The following THEMIS variants were observed in gnomAD, a reference collection of about 807,000 sequenced individuals.
THEMIS encodes the protein protein THEMIS.
In THEMIS, 37 loss-of-function variants were observed where a neutral mutation model predicts 52.6. That is an observed-to-expected ratio of 0.70 (90% confidence interval 0.54 to 0.93). THEMIS has a LOEUF of 0.93. THEMIS is among the 40% of genes least tolerant of loss of function. THEMIS has a pLI of 0.00. For missense variants in THEMIS, 808 were observed against 763.1 expected (o/e 1.06, Z -0.69); for synonymous variants, 292 against 272.7 (o/e 1.07, Z -0.70).
chr6:127,801,399 C>A (rs547280818), intron 4 of THEMIS, among the ~76,000 whole-genome samples: 7 of 152,232 alleles, frequency 4.6e-5, no homozygotes, highest in African/African-American at 1.4e-4. Flanking sequence ...GACACAAGCT[C>A]TTATCATGTG....
intron 4 of THEMIS, among the ~76,000 whole-genome samples, chr6:127,757,966 T>C (rs932945792): frequency 6.6e-6 from 1 of 151,922 alleles, no homozygotes; most frequent in Non-Finnish European, 1.5e-5. Flanking sequence ...TATAGATAGA[T>C]AAATTATATT....
At chr6:127,799,553 ATCTT>A (rs748513282) in intron 4 of THEMIS, among the ~76,000 whole-genome samples, 49,695 of 144,358 alleles carry the variant, frequency 0.34, 8,905 homozygotes, top group Non-Finnish European at 0.41. Context: ...CTTTCTTTCT[ATCTT>A]TCTTTCTTTC....
intron 4 of THEMIS, among the ~76,000 whole-genome samples, chr6:127,778,571 A>G (rs1776639854): frequency 6.6e-6 from 1 of 152,096 alleles, no homozygotes; most frequent in African/African-American, 2.4e-5. Flanking sequence ...AAAATTTCTC[A>G]TGTTTAACTC....
intron 2 of THEMIS, among the ~76,000 whole-genome samples, chr6:127,849,274 C>G (rs1398641429): frequency 6.6e-6 from 1 of 151,924 alleles, no homozygotes; most frequent in South Asian, 2.1e-4. Context: ...TGTTCCGTTC[C>G]ATTGGTCTAT....
Position 127,900,875 on chromosome 6 carries a change from C to A in THEMIS, c.58G>T (p.Val20Phe), listed in dbSNP as rs750505215. 1 of 1,613,176 alleles carries A rather than the reference C, an allele frequency of 6.2e-7. No homozygotes were observed. The highest frequency in any genetic ancestry group is 8.5e-7 in the Non-Finnish European group (1 of 1,179,434). ...TAGATGCCTGCCTGGATTTCTAGAA[C>A]CCTGGGTAGGGTCCTGAGGTCAAGG... The part of the protein sequence containing the change: ...HSLDLRTLPR[V>F]LEIQAGIYLE... Residue 20 changes from valine to phenylalanine, a missense_variant, in exon 1 of 6, where the codon GTT (valine) becomes TTT (phenylalanine). Transcript: ENST00000368248.
At chr6:127,890,461 G>A (rs1021363332) in intron 1 of THEMIS, among the ~76,000 whole-genome samples, 6 of 152,084 alleles carry the variant, frequency 3.9e-5, no homozygotes, top group African/African-American at 1.4e-4. Context: ...GGTGAAGTGA[G>A]ATTGGTTAAT....
rs1562285009 is a variant in THEMIS, at chr6:127,829,520, G to A, written c.665C>T (p.Thr222Ile). The A allele has an allele frequency of 2.5e-6, 4 of 1,611,772 alleles. 1 individual carries two copies. The South Asian group carries it at 3.3e-5, about 13-fold the overall frequency. ...TNPFPKDFYGTLILKPVYEIQ... is the reference protein window; with the variant it reads ...TNPFPKDFYGILILKPVYEIQ... Reference sequence around the variant, plus strand: ...TTCATAAACAGGCTTGAGAATCAGGGTACCATAAAAGTCTTTAGGAAATGG... The same window carrying A: ...TTCATAAACAGGCTTGAGAATCAGGATACCATAAAAGTCTTTAGGAAATGG... The change falls in exon 3 of 6, where the codon ACC becomes ATC. Residue 222 changes from threonine to isoleucine, a missense_variant. Coordinates refer to ENST00000368248, the MANE Select transcript of THEMIS (RefSeq NM_001010923.3).
chr6:127,825,501 T>G (rs1459113174), intron 3 of THEMIS, among the ~76,000 whole-genome samples: 1 of 152,170 alleles, frequency 6.6e-6, no homozygotes, highest in Non-Finnish European at 1.5e-5. Flanking sequence ...TAGAATATTT[T>G]TCAAACATTC....
intron 2 of THEMIS, among the ~76,000 whole-genome samples, chr6:127,836,878 C>T (rs958318255): frequency 5.3e-5 from 8 of 152,176 alleles, no homozygotes; most frequent in Middle Eastern, 3.4e-3. Context: ...CTGGTCAGCA[C>T]GAACACCTGA....
intron 1 of THEMIS, among the ~76,000 whole-genome samples, chr6:127,911,631 T>A (rs1486893060): frequency 6.6e-6 from 1 of 151,490 alleles, no homozygotes; most frequent in African/African-American, 2.5e-5. Context: ...CCTACTCTAA[T>A]CCAATACTAC....
intron 4 of THEMIS, among the ~76,000 whole-genome samples, chr6:127,787,276 G>A (rs529481201): frequency 1.2e-3 from 183 of 149,172 alleles, no homozygotes; most frequent in African/African-American, 3.8e-3. Context: ...ATGTGTGCAC[G>A]CACACACACA....
At chr6:127,870,080 G>T (rs1780109860) in intron 1 of THEMIS, among the ~76,000 whole-genome samples, 2 of 152,150 alleles carry the variant, frequency 1.3e-5, no homozygotes, top group South Asian at 4.1e-4. Context: ...GGGAAATCAG[G>T]AGGAGAGCCT....
At chr6:127,836,202 G>A (rs180859738) in intron 2 of THEMIS, among the ~76,000 whole-genome samples, 188 of 152,222 alleles carry the variant, frequency 1.2e-3, no homozygotes, top group African/African-American at 3.8e-3. Context: ...GAGTTTGGGA[G>A]CCATGTGGAG....
intron 2 of THEMIS, among the ~76,000 whole-genome samples, chr6:127,844,768 C>T (rs1779160418): frequency 1.3e-5 from 2 of 151,812 alleles, no homozygotes; most frequent in Admixed American, 6.6e-5. Context: ...ACATGATTTA[C>T]CAATCTATGG....
intron 4 of THEMIS, among the ~76,000 whole-genome samples, chr6:127,738,357 G>A (rs1435811609): frequency 7.2e-5 from 11 of 152,066 alleles, no homozygotes; most frequent in Admixed American, 4.6e-4. Flanking sequence ...TGGAGAATTT[G>A]AGGCCAAATT....
At chr6:127,795,881 G>A (rs917225167) in intron 4 of THEMIS, among the ~76,000 whole-genome samples, 8 of 152,154 alleles carry the variant, frequency 5.3e-5, no homozygotes, top group African/African-American at 7.2e-5. Context: ...AGACAATTAG[G>A]TAAATCAAAG....
intron 4 of THEMIS, among the ~76,000 whole-genome samples, chr6:127,783,555 C>T (rs562515660): frequency 4.4e-4 from 67 of 152,186 alleles, no homozygotes; most frequent in African/African-American, 1.5e-3. Context: ...TCAAACAACC[C>T]CATCAAAAAC....
At chr6:127,806,920 G>T (rs954992131) in intron 4 of THEMIS, among the ~76,000 whole-genome samples, 1 of 152,126 alleles carries the variant, frequency 6.6e-6, no homozygotes, top group African/African-American at 2.4e-5. Context: ...TTCATCCTTT[G>T]CCCTCTTCTC....
chr6:127,743,318 G>T (rs1175304307), intron 4 of THEMIS, among the ~76,000 whole-genome samples: 2 of 152,136 alleles, frequency 1.3e-5, no homozygotes, highest in Non-Finnish European at 2.9e-5. Context: ...CTAGGAAAAT[G>T]CCATCACCCT....
Sources: allele counts gnomAD v4.1 joint callset (sites outside exome capture counted in the v4.1 genomes callset), GRCh38; gene constraint gnomAD v4.1.1; transcripts MANE v1.5; gene names NCBI Gene and HGNC (gene_info 2026-07-23, HGNC 2026-07-21).